Variants in RORA observed in about 807,000 individuals in gnomAD.
RORA encodes the protein RAR related orphan receptor A.
Under a neutral mutation model 69.5 loss-of-function variants are expected in RORA, and 7 were observed. That is an observed-to-expected ratio of 0.10 (90% CI 0.06 to 0.19). The LOEUF is 0.19. RORA is among the 10% of genes least tolerant of loss of function. The pLI is 1.00. For missense variants in RORA, 457 were observed against 663.0 expected (o/e 0.69, Z 3.41); for synonymous variants, 261 against 240.8 (o/e 1.08, Z -0.78).
At chr15:61,023,187 C>CAAAAAAA (rs35185635) in intron 1 of RORA, among the ~76,000 whole-genome samples, 5 of 75,688 alleles carry the variant, frequency 6.6e-5, no homozygotes, top group African/African-American at 1.6e-4. Context: ...GACTCTGCCT[C>CAAAAAAA]AAAAAAAAAA....
At chr15:60,888,367 T>C (rs767982218) in intron 1 of RORA, among the ~76,000 whole-genome samples, 60 of 152,226 alleles carry the variant, frequency 3.9e-4, no homozygotes, top group Non-Finnish European at 6.8e-4. Flanking sequence ...AAGGTGTTTC[T>C]ACCACGTTCT....
intron 1 of RORA, among the ~76,000 whole-genome samples, chr15:61,042,040 C>G (rs1302162740): frequency 6.6e-6 from 1 of 152,188 alleles, no homozygotes; most frequent in Non-Finnish European, 1.5e-5. Context: ...ACCCTCGTCT[C>G]TTAACTACCA....
intron 1 of RORA, among the ~76,000 whole-genome samples, chr15:61,005,963 TG>T (rs1187016072): frequency 1.8e-5 from 2 of 111,816 alleles, no homozygotes; most frequent in Non-Finnish European, 3.9e-5. Context: ...TTGTTTGTTT[TG>T]TTTTGTTTTG....
chr15:61,047,872 T>C (rs557522134), intron 1 of RORA, among the ~76,000 whole-genome samples: 6 of 152,324 alleles, frequency 3.9e-5, no homozygotes, highest in Admixed American at 3.9e-4. Context: ...TCATCATTCA[T>C]TCAACAAGCA....
At position 60,511,549 on chromosome 15, in the gene RORA, T is replaced by C; in HGVS notation, c.497A>G (p.Gln166Arg). 2 of 1,614,088 alleles carry C rather than the reference T, an allele frequency of 1.2e-6. No individual in the cohort carries two copies. Among genetic ancestry groups the C allele is most frequent in the East Asian group, 2.2e-5 (1 of 44,890 alleles). ...CTGCTGGTGGTCGCGCTGCTGCTGCTGCATCCGGTGTTTCTGTACTTCTGC... is the reference window on the plus strand; with the variant it reads ...CTGCTGGTGGTCGCGCTGCTGCTGCCGCATCCGGTGTTTCTGTACTTCTGC... ...LYAEVQKHRM[Q>R]QQQRDHQQQP... The change falls in exon 5 of 11, where the codon CAG becomes CGG. Residue 166 changes from glutamine (Q) to arginine (R), a missense_variant. By Grantham distance (43) the Gln-to-Arg change is conservative. This residue lies in a region of RORA where 304 missense variants were observed against 447.4 expected (regional missense o/e 0.68). Transcript: ENST00000335670. The surrounding 1 kb of genome is among the most constrained non-coding windows in gnomAD (Gnocchi z 6.4).
intron 1 of RORA, among the ~76,000 whole-genome samples, chr15:61,189,943 G>A (rs1355291100): frequency 1.4e-5 from 2 of 144,024 alleles, no homozygotes; most frequent in Non-Finnish European, 3.0e-5. Context: ...ATACCAAACT[G>A]CAAACAACCT....
intron 1 of RORA, among the ~76,000 whole-genome samples, chr15:61,175,021 AGAGCCTCAT>A (rs1180826626): frequency 6.6e-6 from 1 of 152,222 alleles, no homozygotes; most frequent in African/African-American, 2.4e-5. Context: ...TTAAATAACA[AGAGCCTCAT>A]GATTTCACAG....
At chr15:60,941,317 T>C (rs1314434369) in intron 1 of RORA, among the ~76,000 whole-genome samples, 1 of 152,210 alleles carries the variant, frequency 6.6e-6, no homozygotes, top group Non-Finnish European at 1.5e-5. Flanking sequence ...TTGGATGAAA[T>C]GGTTGTTAAA....
chr15:60,592,934 C>G, intron 2 of RORA: 1 of 455,762 alleles, frequency 2.2e-6, no homozygotes, highest in South Asian at 1.6e-5. Flanking sequence ...CTTGCCGGAG[C>G]ACTCGGGGGC....
At chr15:60,742,856 T>C (rs2071592131) in intron 1 of RORA, among the ~76,000 whole-genome samples, 2 of 152,132 alleles carry the variant, frequency 1.3e-5, no homozygotes, top group Admixed American at 6.5e-5. Flanking sequence ...TTGTATATTG[T>C]GTATATATAC....
At chr15:60,721,004 C>A (rs2071286422) in intron 1 of RORA, among the ~76,000 whole-genome samples, 1 of 152,126 alleles carries the variant, frequency 6.6e-6, no homozygotes, top group Non-Finnish European at 1.5e-5. Context: ...GAGAGTCTCC[C>A]CGCACACTGT....
At chr15:60,745,165 G>A (rs932413542) in intron 1 of RORA, among the ~76,000 whole-genome samples, 95 of 152,084 alleles carry the variant, frequency 6.2e-4, no homozygotes, top group African/African-American at 2.1e-3. Flanking sequence ...AAAAGAAACC[G>A]AATGAGACAG....
intron 2 of RORA, among the ~76,000 whole-genome samples, chr15:60,552,416 A>G (rs1032810380): frequency 1.3e-5 from 2 of 152,192 alleles, no homozygotes; most frequent in African/African-American, 4.8e-5. Context: ...CAAAGCCTTT[A>G]TCAGTCCCTG....
intron 1 of RORA, among the ~76,000 whole-genome samples, chr15:61,014,467 A>G (rs1033737221): frequency 2.0e-5 from 3 of 152,182 alleles, no homozygotes; most frequent in Admixed American, 6.5e-5. Context: ...ATTTGTCCCT[A>G]TTGAACTTCA....
chr15:60,963,906 A>G (rs1023645753), intron 1 of RORA, among the ~76,000 whole-genome samples: 1 of 152,228 alleles, frequency 6.6e-6, no homozygotes, highest in African/African-American at 2.4e-5. Context: ...GCTTAAAGCC[A>G]AAGATTTATA....
chr15:60,939,664 G>A (rs1487562126), intron 1 of RORA, among the ~76,000 whole-genome samples: 12 of 152,170 alleles, frequency 7.9e-5, no homozygotes, highest in Non-Finnish European at 1.8e-4. Context: ...CGCTCATTAT[G>A]GTGAATTATA....
intron 1 of RORA, among the ~76,000 whole-genome samples, chr15:61,190,875 A>T (rs531287232): frequency 1.3e-5 from 2 of 152,212 alleles, no homozygotes; most frequent in African/African-American, 4.8e-5. Flanking sequence ...ATAAAGTATA[A>T]ATGCTTTTGC....
chr15:60,832,930 A>G (rs2073063744), intron 1 of RORA, among the ~76,000 whole-genome samples: 1 of 151,352 alleles, frequency 6.6e-6, no homozygotes, highest in South Asian at 2.1e-4. Flanking sequence ...TTTGAGACGG[A>G]GTCTCACTGT....
intron 2 of RORA, among the ~76,000 whole-genome samples, chr15:60,576,247 A>G (rs1378913531): frequency 6.6e-6 from 1 of 152,150 alleles, no homozygotes. Context: ...GCTGGGAGCA[A>G]CGTATCCCAG....
Sources: gnomAD v4.1 joint callset for allele counts (sites outside exome capture counted in the v4.1 genomes callset) on GRCh38, gnomAD v4.1.1 for gene constraint, gnomAD v4.1.1 regional missense constraint, Gnocchi (gnomAD v3.1) non-coding constraint, MANE v1.5 for transcripts, NCBI Gene and HGNC (gene_info 2026-07-23, HGNC 2026-07-21) for gene names.